Variants in CCDC178 observed in about 807,000 individuals in gnomAD.
CCDC178 encodes coiled-coil domain containing 178.
Under a neutral mutation model 117.4 loss-of-function variants are expected in CCDC178, and 126 were observed. That is an observed-to-expected ratio of 1.07 (90% CI 0.93 to 1.24). The LOEUF (loss-of-function observed/expected upper bound fraction) is 1.24, where lower values mean the gene tolerates loss of function less well. Among genes scored for constraint, CCDC178 ranks in the 50% most tolerant of loss-of-function variants. CCDC178 has a pLI of 0.00. For missense variants in CCDC178, 1,030 were observed against 986.9 expected (o/e 1.04, Z -0.59); for synonymous variants, 283 against 313.4 (o/e 0.90, Z 1.02).
At chr18:33,016,895 C>A (rs992106016) in intron 21 of CCDC178, among the ~76,000 whole-genome samples, 1 of 151,726 alleles carries the variant, frequency 6.6e-6, no homozygotes, top group Non-Finnish European at 1.5e-5. Context: ...ATGACAGATG[C>A]AGAAAAAACA....
intron 15 of CCDC178, among the ~76,000 whole-genome samples, chr18:33,230,715 A>G (rs1362100905): frequency 1.3e-5 from 2 of 152,220 alleles, no homozygotes; most frequent in Non-Finnish European, 2.9e-5. Context: ...TGATACAACA[A>G]GGCCTTTGAG....
chr18:33,271,769 G>A (rs1000281689), intron 12 of CCDC178, among the ~76,000 whole-genome samples: 1 of 151,442 alleles, frequency 6.6e-6, no homozygotes, highest in East Asian at 1.9e-4. Context: ...ATAACAGAAG[G>A]AAATTCAAAA....
intron 20 of CCDC178, among the ~76,000 whole-genome samples, chr18:33,097,002 C>T (rs759152915): frequency 1.3e-5 from 2 of 152,028 alleles, no homozygotes; most frequent in African/African-American, 2.4e-5. Context: ...CTGTATTTTC[C>T]AAAAATGGCC....
At chr18:32,986,065 G>C (rs772341895) in intron 21 of CCDC178, among the ~76,000 whole-genome samples, 2 of 151,976 alleles carry the variant, frequency 1.3e-5, no homozygotes, top group Non-Finnish European at 2.9e-5. Flanking sequence ...TTTTGGCCTA[G>C]TTAATTTATT....
At chr18:33,027,446 A>G (rs1442171206) in intron 21 of CCDC178, among the ~76,000 whole-genome samples, 4 of 151,688 alleles carry the variant, frequency 2.6e-5, no homozygotes, top group African/African-American at 9.7e-5. Flanking sequence ...TTAGAAGAGT[A>G]AAAATAGTGA....
chr18:33,096,250 T>A (rs919189266), intron 20 of CCDC178, among the ~76,000 whole-genome samples: 2 of 149,890 alleles, frequency 1.3e-5, no homozygotes, highest in African/African-American at 4.9e-5. Context: ...GGACTTCCAA[T>A]CAGAAAACTG....
intron 20 of CCDC178, among the ~76,000 whole-genome samples, chr18:33,167,487 T>G (rs1445367007): frequency 6.6e-6 from 1 of 152,160 alleles, no homozygotes; most frequent in Non-Finnish European, 1.5e-5. Flanking sequence ...TCATTGTGGT[T>G]TTGATTTACA....
At chr18:33,029,626 AT>A (rs1031494010) in intron 21 of CCDC178, among the ~76,000 whole-genome samples, 2 of 151,946 alleles carry the variant, frequency 1.3e-5, no homozygotes, top group African/African-American at 4.8e-5. Context: ...TCATGTAGGC[AT>A]TTACAGCTAT....
chr18:33,275,661 G>A (rs1394089798), intron 12 of CCDC178, among the ~76,000 whole-genome samples: 1 of 106,744 alleles, frequency 9.4e-6, no homozygotes, highest in Non-Finnish European at 1.9e-5. Flanking sequence ...GGGGAGGGGA[G>A]GGGGGAGGGG....
At chr18:33,404,376 T>TA (rs1034090370) in intron 3 of CCDC178, among the ~76,000 whole-genome samples, 158 of 146,066 alleles carry the variant, frequency 1.1e-3, no homozygotes, top group Middle Eastern at 7.0e-3. Context: ...GTCTACTAAT[T>TA]AAAAAAAAAA....
intron 22 of CCDC178, among the ~76,000 whole-genome samples, chr18:32,966,283 T>C (rs963324878): frequency 6.6e-6 from 1 of 151,814 alleles, no homozygotes; most frequent in Admixed American, 6.6e-5. Flanking sequence ...GGATTCTTTG[T>C]TCCAGTGAGC....
rs558347816 is a variant in CCDC178, at chr18:33,199,604, C to CA, written c.2238+12291dup. Among the ~76,000 whole-genome samples, 48 of 152,300 alleles carry CA rather than the reference C, an allele frequency of 3.2e-4. No individual in the cohort carries two copies. In the East Asian group the frequency reaches 6.2e-3, roughly 20 times the overall value. On this transcript the variant is annotated intron_variant, in intron 20 of 22. Coordinates refer to ENST00000383096, the MANE Select transcript of CCDC178 (RefSeq NM_001105528.4). ...TGGAATGATGCCACCTCTGAAGTTT[C>CA]AAACTCCTATACTTCGTTTTTTAAT...
intron 2 of CCDC178, among the ~76,000 whole-genome samples, chr18:33,416,980 G>A (rs1343162810): frequency 2.6e-5 from 4 of 152,134 alleles, no homozygotes; most frequent in Non-Finnish European, 5.9e-5. Flanking sequence ...TGGAGAAACT[G>A]GGTCACTTAG....
At chr18:33,439,889 T>G (rs2064354457) in intron 2 of CCDC178, 73 bp downstream of exon 2, 1 of 152,252 alleles carries the variant, frequency 6.6e-6, no homozygotes, top group Non-Finnish European at 1.5e-5. Context: ...GATTCTTATA[T>G]TCCTGAGTTT....
intron 22 of CCDC178, among the ~76,000 whole-genome samples, chr18:32,963,536 C>T (rs1228495151): frequency 6.6e-6 from 1 of 151,952 alleles, no homozygotes; most frequent in Non-Finnish European, 1.5e-5. Flanking sequence ...CATTTTTATG[C>T]TCTACTAATA....
Position 33,041,194 on chromosome 18 carries a change from A to G in CCDC178, c.2388+51567T>C, listed in dbSNP as rs146561787. 1.8e-3 allele frequency among the ~76,000 whole-genome samples: 273 copies of G among 151,982 alleles called. 1 individual carries two copies. The highest frequency in any genetic ancestry group is 6.4e-3 in the African/African-American group (264 of 41,534). ...TATATAAACAAATTAGAAACTTTAAATAATCTTATCACCCTATAAACTGAG... is the reference window on the plus strand; with the variant it reads ...TATATAAACAAATTAGAAACTTTAAGTAATCTTATCACCCTATAAACTGAG... On this transcript the variant is annotated intron_variant, in intron 21 of 22. Transcript: ENST00000383096.
Position 32,937,898 on chromosome 18 carries a change from C to T in CCDC178, c.*113G>A, listed in dbSNP as rs1242515263. 11 of 767,580 alleles carry T rather than the reference C, an allele frequency of 1.4e-5. No individual in the cohort carries two copies. Among genetic ancestry groups the T allele is most frequent in the South Asian group, 9.9e-5 (6 of 60,536 alleles). 47.5% of individuals were successfully genotyped at this position (767,580 alleles called of 1,614,324 possible). Reference sequence around the variant, plus strand: ...CATGCTGGGAGGTGAGTGAGTTTTTCGTTCATGGAAGTGTGAAATGGCAAA... The same window carrying T: ...CATGCTGGGAGGTGAGTGAGTTTTTTGTTCATGGAAGTGTGAAATGGCAAA... On this transcript the variant is annotated 3_prime_UTR_variant, in exon 23 of 23. Coordinates refer to ENST00000383096, the MANE Select transcript of CCDC178 (RefSeq NM_001105528.4).
chr18:33,223,901 G>A (rs200659366), intron 17 of CCDC178, among the ~76,000 whole-genome samples: 4 of 152,196 alleles, frequency 2.6e-5, no homozygotes, highest in African/African-American at 4.8e-5. Context: ...AGTGGTACTC[G>A]GAATTTGTTG....
Position 33,346,395 on chromosome 18 carries a change from C to G in CCDC178, c.474G>C (p.Glu158Asp), listed in dbSNP as rs1406733670. ...GCAATGTTTCCATTTCCTGCTTTAACTCTGGACACTTTTCATCTTAAACAG... is the reference window on the plus strand; with the variant it reads ...GCAATGTTTCCATTTCCTGCTTTAAGTCTGGACACTTTTCATCTTAAACAG... ...PGEKRDEKCP[E>D]LKQEMETLLS... The change falls in exon 9 of 23, where the codon GAG (glutamate) becomes GAC (aspartate). Residue 158 changes from glutamate (E) to aspartate (D), a missense_variant. Glu to Asp is a conservative substitution (Grantham distance 45, BLOSUM62 2). Coordinates refer to ENST00000383096, the MANE Select transcript of CCDC178 (RefSeq NM_001105528.4). 2 of 1,610,164 alleles carry G rather than the reference C, an allele frequency of 1.2e-6. No homozygotes were observed. Among genetic ancestry groups the G allele is most frequent in the Non-Finnish European group, 1.7e-6 (2 of 1,177,170 alleles).
Sources: gnomAD v4.1 joint callset for allele counts (sites outside exome capture counted in the v4.1 genomes callset) on GRCh38, gnomAD v4.1.1 for gene constraint, MANE v1.5 for transcripts, NCBI Gene and HGNC (gene_info 2026-07-23, HGNC 2026-07-21) for gene names.